SLC22A25: variants seen among roughly 807,000 people sequenced by gnomAD.
The protein encoded by SLC22A25 is MGI:2442751, MGI:2385316, MGI:3042283, MGI:3645714, MGI:3605624, MGI:2442750.
In SLC22A25, 44 loss-of-function variants were observed where a neutral mutation model predicts 45.9. The observed-to-expected ratio is 0.96, with a 90% CI of 0.75 to 1.23. The LOEUF (loss-of-function observed/expected upper bound fraction) is 1.23. SLC22A25 is among the 50% of genes most tolerant of loss of function. SLC22A25 has a pLI of 0.00. For missense variants in SLC22A25, 800 were observed against 666.4 expected (o/e 1.20, Z -2.21); for synonymous variants, 283 against 238.6 (o/e 1.19, Z -1.72).
chr11:63,213,979 A>G (rs1205210175), intron 7 of SLC22A25, among the ~76,000 whole-genome samples: 2 of 152,174 alleles, frequency 1.3e-5, no homozygotes, highest in Admixed American at 6.5e-5. Flanking sequence ...GGAGGAGTAC[A>G]TGGAAAATTT....
Position 63,164,045 on chromosome 11 carries a change from A to C in SLC22A25, c.1423T>G (p.Phe475Val), listed in dbSNP as rs976059004. 4.4e-6 allele frequency: 7 copies of C among 1,608,228 alleles called. No individual in the cohort carries two copies. Among genetic ancestry groups the C allele is most frequent in the Non-Finnish European group, 5.9e-6 (7 of 1,177,174 alleles). The change falls in exon 12 of 12, where the codon TTT becomes GTT. Residue 475 changes from phenylalanine (F) to valine (V), a missense_variant. By Grantham distance (50) the Phe-to-Val change is conservative. Coordinates refer to ENST00000306494, the MANE Select transcript of SLC22A25 (RefSeq NM_199352.6). ...RGRATGITGN[F>V]ANIGGALASL... ...GCCAGGGCTCCCCCAATATTAGCAA[A>C]GTTTCCAGTGATTCCAGTAGCTCTT...
At position 63,229,315 on chromosome 11, in the gene SLC22A25, G is replaced by T; in HGVS notation, c.338C>A (p.Thr113Lys). ...GTFPNTSEPD[T>K]EPCVDGWVYD... is the part of the protein sequence containing the mutation. The stretch of plus-strand genomic sequence containing the variant: ...TACCCAGCCATCCACACAGGGCTCT[G>T]TATCTGGCTCACTCGTGTTGGGGAA... Residue 113 changes from threonine (T) to lysine (K), a missense_variant, in exon 4 of 12, where the codon ACA becomes AAA. Physicochemically the swap from Thr to Lys is moderately conservative, Grantham distance 78. Coordinates refer to ENST00000306494, the MANE Select transcript of SLC22A25 (RefSeq NM_199352.6). 6.2e-7 allele frequency: 1 copy of T among 1,609,412 alleles called. No individual in the cohort carries two copies. Among genetic ancestry groups the T allele is most frequent in the Non-Finnish European group, 8.5e-7 (1 of 1,177,458 alleles).
At chr11:63,173,296 G>A (rs980937459) in intron 9 of SLC22A25, among the ~76,000 whole-genome samples, 1 of 152,076 alleles carries the variant, frequency 6.6e-6, no homozygotes, top group African/African-American at 2.4e-5. Context: ...ATAATGGGTT[G>A]ATGGGTGCAG....
intron 7 of SLC22A25, among the ~76,000 whole-genome samples, chr11:63,184,604 C>T (rs73499748): frequency 0.035 from 5,317 of 152,162 alleles, 305 homozygotes; most frequent in African/African-American, 0.12. Context: ...ACTGGAGCAA[C>T]TATGCAGTTC....
At chr11:63,204,061 C>A (rs1274489650) in intron 7 of SLC22A25, among the ~76,000 whole-genome samples, 1 of 152,184 alleles carries the variant, frequency 6.6e-6, no homozygotes, top group Non-Finnish European at 1.5e-5. Context: ...CCAAACTAAG[C>A]TTCATAATTG....
chr11:63,165,662 A>G (rs1011634599), intron 10 of SLC22A25, among the ~76,000 whole-genome samples: 10 of 152,218 alleles, frequency 6.6e-5, no homozygotes, highest in African/African-American at 1.7e-4. Context: ...AAGAGCCCAG[A>G]CAGAGGAAAT....
chr11:63,194,885 G>A (rs2088950661), intron 7 of SLC22A25, among the ~76,000 whole-genome samples: 5 of 44,222 alleles, frequency 1.1e-4, no homozygotes, highest in Non-Finnish European at 2.3e-4. Context: ...CAAGCAAATG[G>A]AAAGCAAAAA....
At chr11:63,228,409 C>T (rs1367484823) in intron 5 of SLC22A25, 52 bp downstream of exon 5, 7 of 1,354,014 alleles carry the variant, frequency 5.2e-6, no homozygotes, top group Non-Finnish European at 7.3e-6. Context: ...AAAAGTGTTT[C>T]ATGAATTGAT....
In SLC22A25 at chr11:63,159,958, A is replaced by T. The variant is rs1473467293; in HGVS notation, c.*3866T>A. Among the ~76,000 whole-genome samples, 1 of 152,158 alleles carries T rather than the reference A, an allele frequency of 6.6e-6. No homozygotes were observed. Among genetic ancestry groups the T allele is most frequent in the African/African-American group, 2.4e-5 (1 of 41,428 alleles). On this transcript the variant is annotated 3_prime_UTR_variant, in exon 12 of 12. Coordinates refer to ENST00000306494, the MANE Select transcript of SLC22A25 (RefSeq NM_199352.6). Reference sequence around the variant, plus strand: ...TTGTGGAACTTTGAACTTGAGTAAGATGATTTAGGGTATCTGTCAGAAGAA... The same window carrying T: ...TTGTGGAACTTTGAACTTGAGTAAGTTGATTTAGGGTATCTGTCAGAAGAA...
chr11:63,183,848 AACCACT>A, intron 7 of SLC22A25, 31 bp from the exon 8 acceptor site: 2 of 1,611,916 alleles, frequency 1.2e-6, no homozygotes, highest in African/African-American at 1.3e-5. Flanking sequence ...AGGTGCAGCC[AACCACT>A]ACTTACTCAT....
intron 11 of SLC22A25, 22 bp downstream of exon 11, chr11:63,164,504 G>T (rs1472239725): frequency 3.1e-6 from 5 of 1,587,628 alleles, no homozygotes; most frequent in Non-Finnish European, 4.3e-6. Flanking sequence ...GAGAATGACA[G>T]AGCACACATA....
In SLC22A25 at chr11:63,166,250, C is replaced by A. The variant is rs762119330; in HGVS notation, c.1079G>T (p.Ser360Ile). The A allele has an allele frequency of 2.5e-6, 4 of 1,613,884 alleles. No homozygotes were observed. The South Asian group carries it at 4.4e-5, about 18-fold the overall frequency. Residue 360 changes from serine to isoleucine, a missense_variant, in exon 10 of 12, where the codon AGT (serine) becomes ATT (isoleucine). Ser to Ile is a moderately radical substitution (Grantham distance 142). Transcript: ENST00000306494. The stretch of plus-strand genomic sequence containing the variant: ...AGTAAGGCCCCAAAAAGGGATGGTA[C>A]TTGCAAATCTGCAGGGAACACAGAA... ...ICFLSFVRFA[S>I]TIPFWGLTLH...
At chr11:63,168,503 G>A (rs1338015134) in intron 9 of SLC22A25, among the ~76,000 whole-genome samples, 3 of 152,102 alleles carry the variant, frequency 2.0e-5, no homozygotes, top group Non-Finnish European at 4.4e-5. Context: ...AACACAGCAC[G>A]AGAACTTTGT....
At chr11:63,225,124 AAAAAT>A (rs1439098643) in intron 5 of SLC22A25, among the ~76,000 whole-genome samples, 8 of 152,280 alleles carry the variant, frequency 5.3e-5, no homozygotes, top group African/African-American at 1.2e-4. Context: ...ATACATAAAT[AAAAAT>A]AAAATAAAAT....
Position 63,235,637 on chromosome 11 carries a change from C to T in SLC22A25, c.-445+2244G>A, listed in dbSNP as rs181495478. On this transcript the variant is annotated intron_variant, in intron 3 of 11. Transcript: ENST00000306494. ...GTTTGATCTTCTGAAGACTTCCTCT[C>T]TCAAGTCATTGAAGTCATTCTCTGT... Among the ~76,000 whole-genome samples, 103 of 152,306 alleles carry T rather than the reference C, an allele frequency of 6.8e-4. 1 individual carries two copies. Among genetic ancestry groups the T allele is most frequent in the Non-Finnish European group, 5.7e-4 (39 of 68,026 alleles).
chr11:63,235,841 T>C (rs534565132), intron 3 of SLC22A25, among the ~76,000 whole-genome samples: 24 of 152,210 alleles, frequency 1.6e-4, no homozygotes, highest in Non-Finnish European at 2.8e-4. Context: ...TCCTTTCTGT[T>C]TGTTAGTTTT....
intron 7 of SLC22A25, among the ~76,000 whole-genome samples, chr11:63,200,356 CA>C (rs1209302504): frequency 6.7e-6 from 1 of 149,686 alleles, no homozygotes; most frequent in Non-Finnish European, 1.5e-5. Flanking sequence ...TCAACATAAA[CA>C]AATCAATAAA....
chr11:63,226,353 C>T (rs903903222), intron 5 of SLC22A25, among the ~76,000 whole-genome samples: 11 of 152,224 alleles, frequency 7.2e-5, no homozygotes, highest in Admixed American at 2.0e-4. Flanking sequence ...ACTGCAACCA[C>T]ATCTGCATTA....
rs778700811 is a variant in SLC22A25 at position 63,180,730 on chromosome 11, T to A, written c.1000A>T (p.Lys334Ter). ...CGGAGCAATTCACAAAGAGAATGCT[T>A]TTTCTGTGCTGCCTCCAGTTCTTGC... Reference protein sequence around the residue: ...MKQELEAAQKKHSLCELLRIP... With the variant: ...MKQELEAAQK Residue 334 changes from lysine (K) to a stop codon, truncating the protein, a stop_gained, in exon 9 of 12, where the codon AAG becomes TAG. Transcript: ENST00000306494. LOFTEE classifies it high-confidence loss of function. 15 of 1,613,134 alleles carry A rather than the reference T, an allele frequency of 9.3e-6. No individual in the cohort carries two copies. The highest frequency in any genetic ancestry group is 1.6e-4 in the Middle Eastern group (1 of 6,066).
Sources: gnomAD v4.1 joint callset for allele counts (sites outside exome capture counted in the v4.1 genomes callset) on GRCh38, gnomAD v4.1.1 for gene constraint, MANE v1.5 for transcripts, NCBI Gene and HGNC (gene_info 2026-07-23, HGNC 2026-07-21) for gene names.